SLC16A4: variants seen among roughly 807,000 people sequenced by gnomAD.
SLC16A4 encodes probable monocarboxylate transporter 5.
In SLC16A4, 39 loss-of-function variants were observed where a neutral mutation model predicts 47.9. The observed-to-expected ratio is 0.81, with a 90% CI of 0.63 to 1.06. SLC16A4 has a LOEUF of 1.06. Among genes scored for constraint, SLC16A4 ranks in the 50% least tolerant of loss-of-function variants. The pLI is 0.00. For missense variants in SLC16A4, 524 were observed against 573.8 expected, an observed-to-expected ratio of 0.91 and a Z score of 0.89; for synonymous variants, 189 against 199.9, an observed-to-expected ratio of 0.95 and a Z score of 0.46.
intron 2 of SLC16A4, among the ~76,000 whole-genome samples, chr1:110,383,812 T>TG (rs1662573504): frequency 1.2e-5 from 1 of 86,676 alleles, no homozygotes; most frequent in Non-Finnish European, 2.3e-5. Context: ...GAGGTTTTTT[T>TG]TTTTTTTTTT....
chr1:110,375,213 G>C (rs755957693), intron 8 of SLC16A4: 6 of 353,952 alleles, frequency 1.7e-5, no homozygotes, highest in Non-Finnish European at 3.1e-5. Context: ...AGTAGACATA[G>C]ATCCAGTGTC....
At chr1:110,368,063 C>T (rs1027417258) in intron 8 of SLC16A4, among the ~76,000 whole-genome samples, 3 of 152,112 alleles carry the variant, frequency 2.0e-5, no homozygotes, top group Non-Finnish European at 4.4e-5. Context: ...CTCCTGACCT[C>T]GTGATCTGCC....
chr1:110,379,063 T>C lies in SLC16A4; in HGVS notation c.820A>G (p.Lys274Glu). Reference protein sequence around the residue: ...NGPNRNRLLLKSDEESDKVIS... With the variant: ...NGPNRNRLLLESDEESDKVIS... ...ACCTTATCACTTTCTTCATCACTCT[T>C]TAATAACAGTCTGTTCCTGTTAGGC... is the stretch of plus-strand genomic sequence containing the variant. Residue 274 changes from lysine to glutamate, a missense_variant, in exon 6 of 9, where the codon AAG becomes GAG. Physicochemically the swap from Lys to Glu is moderately conservative, Grantham distance 56. Transcript: ENST00000369779. The C allele has an allele frequency of 6.2e-7, 1 of 1,614,252 alleles. No homozygotes were observed. The highest frequency in any genetic ancestry group is 8.5e-7 in the Non-Finnish European group (1 of 1,180,040).
In SLC16A4 at chr1:110,379,278, CT is replaced by C. The variant is rs752305731; in HGVS notation, c.604del (p.Ser202ValfsTer51). 5.6e-6 allele frequency: 9 copies of C among 1,614,114 alleles called. No individual in the cohort carries two copies. The Admixed American group carries it at 1.5e-4, about 27-fold the overall frequency. ...SMLLRPIHIKSENNSGIKDKG... is the reference protein window; with the variant it reads ...SMLLRPIHIKXENNSGIKDKG... ...ATCTTTAATACCAGAATTGTTCTCA[CT>C]TTTGATATGGATGGGTCTTAAGAGC... is the stretch of plus-strand genomic sequence containing the variant. On this transcript the variant is annotated frameshift_variant, in exon 6 of 9. Transcript: ENST00000369779. LOFTEE classifies it high-confidence loss of function.
intron 2 of SLC16A4, among the ~76,000 whole-genome samples, chr1:110,383,768 GT>G (rs35791840): frequency 0.58 from 55,853 of 96,714 alleles, 13,181 homozygotes; most frequent in African/African-American, 0.64. Flanking sequence ...GGAAGGAAGT[GT>G]TTTTTTTTTT....
At chr1:110,368,808 A>C (rs1661534601) in intron 8 of SLC16A4, among the ~76,000 whole-genome samples, 1 of 151,056 alleles carries the variant, frequency 6.6e-6, no homozygotes, top group Admixed American at 6.6e-5. Flanking sequence ...CTCATTTTTT[A>C]AGTGTTAATA....
Position 110,381,458 on chromosome 1 carries a change from A to C in SLC16A4, c.364+194T>G, listed in dbSNP as rs1662380319. ...CACCTCAGCTTCCCAAATAGCTGGG[A>C]CTACAGGCATGTGCCACCACTGGCC... On this transcript the variant is annotated intron_variant, in intron 4 of 8. Transcript: ENST00000369779. 2.0e-5 allele frequency among the ~76,000 whole-genome samples: 3 copies of C among 152,140 alleles called. No homozygotes were observed. In the South Asian group the frequency reaches 6.2e-4, roughly 32 times the overall value.
At chr1:110,367,809 A>G (rs1661472289) in intron 8 of SLC16A4, among the ~76,000 whole-genome samples, 1 of 152,024 alleles carries the variant, frequency 6.6e-6, no homozygotes, top group Non-Finnish European at 1.5e-5. Flanking sequence ...TTCGGACCCT[A>G]AACGGTTTAA....
chr1:110,378,300 C>G (rs1178964310), intron 6 of SLC16A4, among the ~76,000 whole-genome samples: 1 of 152,146 alleles, frequency 6.6e-6, no homozygotes, highest in Admixed American at 6.5e-5. Flanking sequence ...AGGCACTATT[C>G]TAAACTCTAC....
chr1:110,372,736 C>T (rs1314675335), intron 8 of SLC16A4: 1 of 152,156 alleles, frequency 6.6e-6, no homozygotes, highest in East Asian at 1.9e-4. Context: ...TTAGCAACAA[C>T]CTTATAGCTT....
intron 7 of SLC16A4, among the ~76,000 whole-genome samples, chr1:110,376,359 G>T (rs919967587): frequency 2.0e-5 from 3 of 152,168 alleles, no homozygotes; most frequent in African/African-American, 7.2e-5. Context: ...ATCTGTTCCA[G>T]CATGTTTAGG....
At chr1:110,378,756 C>T (rs1046784739) in intron 6 of SLC16A4, 97 bp downstream of exon 6, 9 of 1,468,212 alleles carry the variant, frequency 6.1e-6, no homozygotes, top group South Asian at 4.2e-5. Context: ...TACAATTCCT[C>T]TTTTGTTTTT....
intron 6 of SLC16A4, 21 bp downstream of exon 6, chr1:110,378,832 G>A (rs765750153): frequency 1.5e-5 from 23 of 1,573,276 alleles, no homozygotes; most frequent in Non-Finnish European, 2.0e-5. Context: ...TTGGGTAGGA[G>A]GCTGATGTAG....
intron 5 of SLC16A4, chr1:110,379,803 T>TCCTAGCATTTTGCA (rs771065116): frequency 6.5e-6 from 1 of 154,392 alleles, no homozygotes; most frequent in East Asian, 1.9e-4. Flanking sequence ...ATACCTGTAG[T>TCCTAGCATTTTGCA]CCTAGCATTT....
chr1:110,386,682 C>A (rs1387400432), intron 2 of SLC16A4, among the ~76,000 whole-genome samples: 1 of 152,174 alleles, frequency 6.6e-6, no homozygotes, highest in East Asian at 1.9e-4. Flanking sequence ...AATACAGGCA[C>A]CAGGCTTTGT....
chr1:110,388,586 G>T (rs1244159133), intron 2 of SLC16A4, among the ~76,000 whole-genome samples: 3 of 152,202 alleles, frequency 2.0e-5, no homozygotes, highest in Admixed American at 6.5e-5. Flanking sequence ...CTACTTTTGG[G>T]ATGGTTAAAA....
intron 1 of SLC16A4, among the ~76,000 whole-genome samples, chr1:110,390,568 T>TA (rs1662986740): frequency 6.6e-6 from 1 of 152,202 alleles, no homozygotes; most frequent in Non-Finnish European, 1.5e-5. Context: ...TCTTAGGAGA[T>TA]ACATGCTAAA....
intron 2 of SLC16A4, among the ~76,000 whole-genome samples, chr1:110,383,805 GTTTTTTTTTTTTTT>G (rs71096348): frequency 4.6e-5 from 3 of 65,762 alleles, no homozygotes; most frequent in Admixed American, 2.1e-4. Context: ...TTAAAAGGAG[GTTTTTTTTTTTTTT>G]TTTTTTTTTT....
intron 8 of SLC16A4, among the ~76,000 whole-genome samples, chr1:110,374,439 T>G (rs1449771376): frequency 6.6e-6 from 1 of 152,232 alleles, no homozygotes; most frequent in Non-Finnish European, 1.5e-5. Context: ...CTGTCTTACT[T>G]CAGGACTAAA....
Sources: gnomAD v4.1 joint callset for allele counts (sites outside exome capture counted in the v4.1 genomes callset) on GRCh38, gnomAD v4.1.1 for gene constraint, MANE v1.5 for transcripts, NCBI Gene and HGNC (gene_info 2026-07-23, HGNC 2026-07-21) for gene names.